Variants in PLA2R1 observed in about 807,000 individuals in gnomAD.
The protein encoded by PLA2R1 is secretory phospholipase A2 receptor.
Under a neutral mutation model 195.9 loss-of-function variants are expected in PLA2R1, and 158 were observed. That is an observed-to-expected ratio of 0.81 (90% CI 0.71 to 0.92). The LOEUF is 0.92. PLA2R1 is among the 40% of genes least tolerant of loss of function. The probability of loss-of-function intolerance (pLI) is 0.00; values close to 1 mark genes in which losing one functional copy is unlikely to be tolerated. For missense variants in PLA2R1, 1,626 were observed against 1,764.6 expected, an observed-to-expected ratio of 0.92 and a Z score of 1.41; for synonymous variants, 586 against 598.2, an observed-to-expected ratio of 0.98 and a Z score of 0.30.
At chr2:160,021,048 A>G (rs1312675466) in intron 7 of PLA2R1, among the ~76,000 whole-genome samples, 1 of 152,208 alleles carries the variant, frequency 6.6e-6, no homozygotes, top group Non-Finnish European at 1.5e-5. Context: ...AGGAAGGCCC[A>G]CTGGATTATG....
chr2:160,055,885 A>T (rs1695503525), intron 1 of PLA2R1, among the ~76,000 whole-genome samples: 1 of 152,174 alleles, frequency 6.6e-6, no homozygotes, highest in South Asian at 2.1e-4. Flanking sequence ...TATGCAGGAA[A>T]TCTCAGGGCT....
At chr2:160,016,118 G>A (rs1692726548) in intron 9 of PLA2R1, among the ~76,000 whole-genome samples, 1 of 152,094 alleles carries the variant, frequency 6.6e-6, no homozygotes, top group Non-Finnish European at 1.5e-5. Flanking sequence ...ACAAAAATTA[G>A]CCAGGCGTAG....
chr2:159,948,866 G>A (rs906945182), intron 25 of PLA2R1, among the ~76,000 whole-genome samples: 7 of 152,192 alleles, frequency 4.6e-5, no homozygotes, highest in African/African-American at 7.2e-5. Flanking sequence ...GCCAGCTTGT[G>A]TTAGTGAATT....
At chr2:159,951,227 A>G (rs1687719316) in intron 24 of PLA2R1, 113 bp downstream of exon 24, 1 of 678,916 alleles carries the variant, frequency 1.5e-6, no homozygotes, top group African/African-American at 1.8e-5. Flanking sequence ...TGTTATATTT[A>G]TTAATATTTT....
chr2:160,003,886 A>G (rs756992750), intron 11 of PLA2R1, among the ~76,000 whole-genome samples: 13 of 152,244 alleles, frequency 8.5e-5, no homozygotes, highest in Admixed American at 2.0e-4. Context: ...ATGAAATTCT[A>G]TGTAGCTGTT....
At chr2:159,930,945 C>A (rs1352013753), downstream of PLA2R1, among the ~76,000 whole-genome samples, 2 of 152,202 alleles carry the variant, frequency 1.3e-5, no homozygotes, top group East Asian at 1.9e-4. Context: ...GGGAGCTATT[C>A]TCTTTCTTTC....
At chr2:160,041,366 A>G (rs1399183892) in intron 3 of PLA2R1, among the ~76,000 whole-genome samples, 1 of 152,216 alleles carries the variant, frequency 6.6e-6, no homozygotes, top group East Asian at 1.9e-4. Context: ...GAAACTTTTT[A>G]GCTAAATAAA....
At position 159,940,722 on chromosome 2, in the gene PLA2R1, C is replaced by T. The variant is rs1221394809; in HGVS notation, c.*1056G>A. 1 of 152,076 alleles carries T rather than the reference C, an allele frequency of 6.6e-6. No homozygotes were observed. Among genetic ancestry groups the T allele is most frequent in the East Asian group, 1.9e-4 (1 of 5,198 alleles). The allele number at this position is 152,076 out of a possible 1,614,324, so 9.4% of individuals were successfully genotyped here. ...AATCATTATTTACCATCTACACTAACTAGACTAATATAAAAGGAGATCGTT... is the reference window on the plus strand; with the variant it reads ...AATCATTATTTACCATCTACACTAATTAGACTAATATAAAAGGAGATCGTT... On this transcript the variant is annotated 3_prime_UTR_variant, in exon 30 of 30. Transcript: ENST00000283243.
At chr2:160,012,368 A>G (rs1485317199) in intron 10 of PLA2R1, among the ~76,000 whole-genome samples, 4 of 151,698 alleles carry the variant, frequency 2.6e-5, no homozygotes, top group Admixed American at 2.0e-4. Flanking sequence ...GGTCACCTTT[A>G]CTCTTGGTAT....
At chr2:160,031,056 C>T (rs934057663) in intron 4 of PLA2R1, among the ~76,000 whole-genome samples, 1 of 152,186 alleles carries the variant, frequency 6.6e-6, no homozygotes, top group Non-Finnish European at 1.5e-5. Context: ...TTTTCCTGCA[C>T]TATGACTTAC....
chr2:160,022,261 T>G (rs183760260), intron 7 of PLA2R1, among the ~76,000 whole-genome samples: 3 of 152,112 alleles, frequency 2.0e-5, no homozygotes, highest in Admixed American at 6.6e-5. Context: ...AAATTACCCA[T>G]GTTCACTGGC....
At chr2:159,944,781 A>G in intron 28 of PLA2R1, 125 bp downstream of exon 28, 2 of 697,660 alleles carry the variant, frequency 2.9e-6, no homozygotes, top group Non-Finnish European at 4.9e-6. Context: ...GAACACAACA[A>G]TAATGTCAGA....
intron 11 of PLA2R1, among the ~76,000 whole-genome samples, chr2:160,002,025 GAT>G (rs138901044): frequency 2.0e-5 from 3 of 150,536 alleles, no homozygotes; most frequent in African/African-American, 2.4e-5. Flanking sequence ...GTACATATGG[GAT>G]ATATATATAT....
chr2:160,020,534 G>A (rs1290003984), intron 7 of PLA2R1, among the ~76,000 whole-genome samples: 1 of 152,132 alleles, frequency 6.6e-6, no homozygotes. Context: ...GGGGTGAATG[G>A]GTCATGAAGG....
intron 1 of PLA2R1, among the ~76,000 whole-genome samples, chr2:160,050,605 G>T (rs1190317822): frequency 6.6e-6 from 1 of 152,112 alleles, no homozygotes; most frequent in Admixed American, 6.5e-5. Flanking sequence ...TGAAATTTCA[G>T]ACAACAAAGA....
In PLA2R1 at chr2:160,033,066, A is replaced by C; in HGVS notation, c.734T>G (p.Phe245Cys). Residue 245 changes from phenylalanine to cysteine, a missense_variant, in exon 4 of 30, where the codon TTC becomes TGC. Coordinates refer to ENST00000283243, the MANE Select transcript of PLA2R1 (RefSeq NM_007366.5). ...KDLNSHICYQFNLLSSLSWSE... is the reference protein window; with the variant it reads ...KDLNSHICYQCNLLSSLSWSE... ...CCAAGAGAGAGATGAAAGCAGGTTG[A>C]ACTGGTAGCAAATGTGTGAATTGAG... 1 of 1,613,592 alleles carries C rather than the reference A, an allele frequency of 6.2e-7. No homozygotes were observed. Among genetic ancestry groups the C allele is most frequent in the Non-Finnish European group, 8.5e-7 (1 of 1,179,652 alleles).
chr2:160,038,023 G>T (rs12623189), intron 3 of PLA2R1, among the ~76,000 whole-genome samples: 79,315 of 152,034 alleles, frequency 0.52, 22,761 homozygotes, highest in Non-Finnish European at 0.65. Flanking sequence ...ATACATATTT[G>T]TTAAATGAAT....
Position 159,940,327 on chromosome 2 carries a change from C to T in PLA2R1, c.*1451G>A, listed in dbSNP as rs1687030974. On this transcript the variant is annotated 3_prime_UTR_variant, in exon 30 of 30. Coordinates refer to ENST00000283243, the MANE Select transcript of PLA2R1 (RefSeq NM_007366.5). Reference sequence around the variant, plus strand: ...TACTGAGTTACTGTCAATTTTCCCTCATTAGAAAATAAGTGGCATGAAAAG... The same window carrying T: ...TACTGAGTTACTGTCAATTTTCCCTTATTAGAAAATAAGTGGCATGAAAAG... 1 of 152,218 alleles carries T rather than the reference C, an allele frequency of 6.6e-6. No individual in the cohort carries two copies. The highest frequency in any genetic ancestry group is 1.5e-5 in the Non-Finnish European group (1 of 68,038). The allele number at this position is 152,218 out of a possible 1,614,324, so 9.4% of individuals were successfully genotyped here.
At chr2:159,993,510 A>G (rs945666634) in intron 11 of PLA2R1, among the ~76,000 whole-genome samples, 5 of 151,448 alleles carry the variant, frequency 3.3e-5, no homozygotes, top group Non-Finnish European at 7.4e-5. Context: ...TGGCCTAGAA[A>G]CAATAACAAA....
Sources: gnomAD v4.1 joint callset for allele counts (sites outside exome capture counted in the v4.1 genomes callset) on GRCh38, gnomAD v4.1.1 for gene constraint, MANE v1.5 for transcripts, NCBI Gene and HGNC (gene_info 2026-07-23, HGNC 2026-07-21) for gene names.